GPR37L1: variants seen among roughly 807,000 people sequenced by gnomAD.
GPR37L1 encodes G protein-coupled receptor 37-like 1.
Under a neutral mutation model 18.0 loss-of-function variants are expected in GPR37L1, and 18 were observed. The observed-to-expected ratio is 1.00, with a 90% confidence interval of 0.69 to 1.49. The LOEUF is 1.49. GPR37L1 is among the 40% of genes most tolerant of loss of function. GPR37L1 has a pLI of 0.00. For synonymous variants in GPR37L1, 256 were observed against 273.9 expected (o/e 0.93, Z 0.65); for missense variants, 558 against 615.1 (o/e 0.91, Z 0.98).
Position 202,130,546 on chromosome 1 carries a change from T to C in GPR37L1, c.*1990T>C, listed in dbSNP as rs1654817556. Reference sequence around the variant, plus strand: ...AGAGAGGGAGGCCGTTGCTAGGTGATGGCGCCGCCATGCACACACCCTTTG... The same window carrying C: ...AGAGAGGGAGGCCGTTGCTAGGTGACGGCGCCGCCATGCACACACCCTTTG... On this transcript the variant is annotated 3_prime_UTR_variant, in exon 2 of 2. Coordinates refer to ENST00000367282, the MANE Select transcript of GPR37L1 (RefSeq NM_004767.5). 6.6e-6 allele frequency: 1 copy of C among 152,268 alleles called. No individual in the cohort carries two copies. Among genetic ancestry groups the C allele is most frequent in the African/African-American group, 2.4e-5 (1 of 41,446 alleles). The allele number at this position is 152,268 out of a possible 1,614,324, so 9.4% of individuals were successfully genotyped here. A position where few individuals can be genotyped will look rare whatever the true frequency, so the allele number is the denominator to read the frequency against.
At position 202,130,889 on chromosome 1, in the gene GPR37L1, G is replaced by T. The variant is rs2147807878; in HGVS notation, c.*2333G>T. On this transcript the variant is annotated 3_prime_UTR_variant, in exon 2 of 2. Coordinates refer to ENST00000367282, the MANE Select transcript of GPR37L1 (RefSeq NM_004767.5). ...GTTTAGGGGTCCTCCTCCACAAAGG[G>T]TGCCCTCCACCTCTCCCTCCTGCTG... The T allele has an allele frequency of 6.6e-6, 1 of 152,358 alleles. No homozygotes were observed. Among genetic ancestry groups the T allele is most frequent in the African/African-American group, 2.4e-5 (1 of 41,562 alleles). 9.4% of individuals were successfully genotyped at this position (152,358 alleles called of 1,614,324 possible).
chr1:202,133,533 G>A lies in GPR37L1; in HGVS notation c.*4977G>A, dbSNP rs1230068660. ...GCTGAAAAGTGTAAAAAAGGAAGAG[G>A]AACATCACTTTACAAATCATTAAAT... is the stretch of plus-strand genomic sequence containing the variant. On this transcript the variant is annotated 3_prime_UTR_variant, in exon 2 of 2. Coordinates refer to ENST00000367282, the MANE Select transcript of GPR37L1 (RefSeq NM_004767.5). The A allele has an allele frequency of 1.3e-5, 2 of 152,182 alleles. No individual in the cohort carries two copies. Among genetic ancestry groups the A allele is most frequent in the African/African-American group, 4.8e-5 (2 of 41,446 alleles). The allele number at this position is 152,182 out of a possible 1,614,324, so 9.4% of individuals were successfully genotyped here.
At position 202,123,157 on chromosome 1, in the gene GPR37L1, C is replaced by T. The variant is rs370435464; in HGVS notation, c.194C>T (p.Ala65Val). The T allele has an allele frequency of 1.0e-4, 166 of 1,613,014 alleles. 1 individual carries two copies. The highest frequency in any genetic ancestry group is 1.6e-4 in the East Asian group (7 of 44,856). The change falls in exon 1 of 2, where the codon GCG becomes GTG. Residue 65 changes from alanine to valine, a missense_variant. Coordinates refer to ENST00000367282, the MANE Select transcript of GPR37L1 (RefSeq NM_004767.5). ...CAGCAGTATGTGCCTGAGGAGTGGG[C>T]GGAGTACCCCCGGCCCATTCACCCT... Reference protein sequence around the residue: ...GVQQYVPEEWAEYPRPIHPAG... With the variant: ...GVQQYVPEEWVEYPRPIHPAG...
chr1:202,122,920 C>T lies in GPR37L1; in HGVS notation c.-44C>T, dbSNP rs1395183560. ...GAGCCCAGCTCTTGGGCCCCCTGCA[C>T]TCACCTGCTCTTCCTGGGCTGGCTG... On this transcript the variant is annotated 5_prime_UTR_variant, in exon 1 of 2. Coordinates refer to ENST00000367282, the MANE Select transcript of GPR37L1 (RefSeq NM_004767.5). 1.2e-6 allele frequency: 2 copies of T among 1,607,240 alleles called. No homozygotes were observed. Among genetic ancestry groups the T allele is most frequent in the African/African-American group, 2.7e-5 (2 of 74,836 alleles).
chr1:202,128,715 C>G lies in GPR37L1; in HGVS notation c.*159C>G. On this transcript the variant is annotated 3_prime_UTR_variant, in exon 2 of 2. Coordinates refer to ENST00000367282, the MANE Select transcript of GPR37L1 (RefSeq NM_004767.5). ...GGAATGTCAAAGCCCCCTCCCCACA[C>G]AGGGCCTTTCCTGTCCCTTGTGGGG... 3.3e-6 allele frequency: 2 copies of G among 602,322 alleles called. No homozygotes were observed. The highest frequency in any genetic ancestry group is 5.9e-6 in the Non-Finnish European group (2 of 337,806). 37.3% of individuals were successfully genotyped at this position (602,322 alleles called of 1,614,324 possible). A position where few individuals can be genotyped will look rare whatever the true frequency, so the allele number is the denominator to read the frequency against.
Position 202,128,048 on chromosome 1 carries a change from A to G in GPR37L1, c.938A>G (p.Tyr313Cys). 1.2e-6 allele frequency: 2 copies of G among 1,614,146 alleles called. No homozygotes were observed. The highest frequency in any genetic ancestry group is 1.1e-5 in the South Asian group (1 of 91,088). Reference protein sequence around the residue: ...MTYQNARMWWYFGCYFCLPIL... With the variant: ...MTYQNARMWWCFGCYFCLPIL... ...TACCAGAACGCCCGCATGTGGTGGT[A>G]CTTTGGCTGCTACTTCTGCCTGCCC... The change falls in exon 2 of 2, where the codon TAC (tyrosine) becomes TGC (cysteine). Residue 313 changes from tyrosine to cysteine, a missense_variant. Physicochemically the swap from Tyr to Cys is radical, Grantham distance 194. Transcript: ENST00000367282.
chr1:202,128,088 C>T lies in GPR37L1; in HGVS notation c.978C>T (p.Val326=), dbSNP rs1654723044. Residue 326 remains valine (V), a synonymous_variant, in exon 2 of 2, where the codon GTC becomes GTT. Coordinates refer to ENST00000367282, the MANE Select transcript of GPR37L1 (RefSeq NM_004767.5). ...CYFCLPILFT[V]TCQLVTWRVR... ...TCTGCCTGCCCATCCTCTTCACAGT[C>T]ACCTGCCAGCTGGTGACATGGCGGG... is the stretch of plus-strand genomic sequence containing the variant. 1 of 1,614,044 alleles carries T rather than the reference C, an allele frequency of 6.2e-7. No homozygotes were observed. Among genetic ancestry groups the T allele is most frequent in the African/African-American group, 1.3e-5 (1 of 74,934 alleles).
At position 202,126,838 on chromosome 1, in the gene GPR37L1, C is replaced by CATGTGT. The variant is rs1553315418; in HGVS notation, c.631-903_631-902insATGTGT. ...GGACAGGGCCAGGAGCAGAAACGTG[C>CATGTGT]GTGTGTGTGTGTGTGTGTGTGTGTG... is the stretch of plus-strand genomic sequence containing the variant. On this transcript the variant is annotated intron_variant, in intron 1 of 1. Coordinates refer to ENST00000367282, the MANE Select transcript of GPR37L1 (RefSeq NM_004767.5). Among the ~76,000 whole-genome samples the CATGTGT allele has an allele frequency of 1.0e-4, 15 of 146,450 alleles. No homozygotes were observed. The East Asian group carries it at 1.4e-3, about 14-fold the overall frequency.
rs1558302759 is a variant in GPR37L1, at chr1:202,128,533, C to T, written c.1423C>T (p.Leu475=). 6.4e-7 allele frequency: 1 copy of T among 1,566,314 alleles called. No individual in the cohort carries two copies. Among genetic ancestry groups the T allele is most frequent in the Non-Finnish European group, 8.7e-7 (1 of 1,153,892 alleles). ...CAAGCCCAGGGAGTCACCCCCACTC[C>T]TGCCCCTGGGCACACCTTGCTGAGG... The part of the protein sequence containing the change: ...FHKPRESPPL[L]PLGTPC Residue 475 remains leucine, a synonymous_variant, in exon 2 of 2, where the codon CTG becomes TTG. Transcript: ENST00000367282.
rs546889240 is a variant in GPR37L1 at position 202,128,205 on chromosome 1, C to G, written c.1095C>G (p.Thr365=). The G allele has an allele frequency of 7.4e-6, 12 of 1,613,796 alleles. No individual in the cohort carries two copies. Among genetic ancestry groups the G allele is most frequent in the African/African-American group, 1.3e-5 (1 of 74,904 alleles). Residue 365 remains threonine (T), a synonymous_variant, in exon 2 of 2, where the codon ACC becomes ACG. Transcript: ENST00000367282. ...SQLNSTVVGL[T]VVYAFCTLPE... ...TCAACAGCACCGTGGTGGGCCTGACCGTGGTCTACGCCTTCTGCACCCTCC... is the reference window on the plus strand; with the variant it reads ...TCAACAGCACCGTGGTGGGCCTGACGGTGGTCTACGCCTTCTGCACCCTCC...
chr1:202,123,195 C>G lies in GPR37L1; in HGVS notation c.232C>G (p.Pro78Ala). The G allele has an allele frequency of 6.2e-7, 1 of 1,613,546 alleles. No individual in the cohort carries two copies. The highest frequency in any genetic ancestry group is 1.3e-5 in the African/African-American group (1 of 75,048). The change falls in exon 1 of 2, where the codon CCA becomes GCA. Residue 78 changes from proline to alanine, a missense_variant. Pro to Ala is a conservative substitution (Grantham distance 27). Coordinates refer to ENST00000367282, the MANE Select transcript of GPR37L1 (RefSeq NM_004767.5). ...GCCCATTCACCCTGCTGGCCTGCAG[C>G]CAACCAAGCCCTTGGTGGCCACCAG... ...PRPIHPAGLQ[P>A]TKPLVATSPN...
At position 202,131,713 on chromosome 1, in the gene GPR37L1, C is replaced by T. The variant is rs935043665; in HGVS notation, c.*3157C>T. On this transcript the variant is annotated 3_prime_UTR_variant, in exon 2 of 2. Transcript: ENST00000367282. ...TCAGCCTCCTGAGTAGCTGGGACTACAAGTGTGTACCACCATGCCTGGCTG... is the reference window on the plus strand; with the variant it reads ...TCAGCCTCCTGAGTAGCTGGGACTATAAGTGTGTACCACCATGCCTGGCTG... The T allele has an allele frequency of 1.4e-4, 21 of 151,822 alleles. No individual in the cohort carries two copies. Among genetic ancestry groups the T allele is most frequent in the African/African-American group, 5.1e-4 (21 of 41,266 alleles). The allele number at this position is 151,822 out of a possible 1,614,324, so 9.4% of individuals were successfully genotyped here.
Position 202,131,716 on chromosome 1 carries a change from G to A in GPR37L1, c.*3160G>A, listed in dbSNP as rs1391636874. On this transcript the variant is annotated 3_prime_UTR_variant, in exon 2 of 2. Transcript: ENST00000367282. ...GCCTCCTGAGTAGCTGGGACTACAAGTGTGTACCACCATGCCTGGCTGAAC... is the reference window on the plus strand; with the variant it reads ...GCCTCCTGAGTAGCTGGGACTACAAATGTGTACCACCATGCCTGGCTGAAC... The A allele has an allele frequency of 6.6e-6, 1 of 151,860 alleles. No individual in the cohort carries two copies. The highest frequency in any genetic ancestry group is 1.5e-5 in the Non-Finnish European group (1 of 68,002). 9.4% of individuals were successfully genotyped at this position (151,860 alleles called of 1,614,324 possible).
Position 202,128,563 on chromosome 1 carries a change from A to C in GPR37L1, c.*7A>C. 22 of 968,184 alleles carry C rather than the reference A, an allele frequency of 2.3e-5. No homozygotes were observed. Among genetic ancestry groups the C allele is most frequent in the East Asian group, 3.6e-5 (1 of 27,414 alleles). The allele number at this position is 968,184 out of a possible 1,614,324, so 60.0% of individuals were successfully genotyped here. A position where few individuals can be genotyped will look rare whatever the true frequency, so the allele number is the denominator to read the frequency against. The stretch of plus-strand genomic sequence containing the variant: ...CCTGGGCACACCTTGCTGAGGCCCC[A>C]GTAGGGGTGGGGAGGGAGGGAGAGG... On this transcript the variant is annotated 3_prime_UTR_variant, in exon 2 of 2. Coordinates refer to ENST00000367282, the MANE Select transcript of GPR37L1 (RefSeq NM_004767.5).
chr1:202,126,464 C>T (rs1001635534), intron 1 of GPR37L1, among the ~76,000 whole-genome samples: 1 of 151,622 alleles, frequency 6.6e-6, no homozygotes, highest in Non-Finnish European at 1.5e-5. Flanking sequence ...TGTGCCTCTG[C>T]AGGCCTGGGC....
rs1163269670 is a variant in GPR37L1, at chr1:202,123,380, G to T, written c.417G>T (p.Val139=). ...ATGCCATCATGCTTCTGGCGCTGGT[G>T]GTGTTTGCGGTGGGCATTGTGGGCA... ...SAYAIMLLAL[V]VFAVGIVGNL... The change falls in exon 1 of 2, where the codon GTG becomes GTT. Residue 139 remains valine (V), a synonymous_variant. Transcript: ENST00000367282. 1 of 1,614,076 alleles carries T rather than the reference G, an allele frequency of 6.2e-7. No homozygotes were observed. Among genetic ancestry groups the T allele is most frequent in the Non-Finnish European group, 8.5e-7 (1 of 1,180,034 alleles).
At position 202,131,320 on chromosome 1, in the gene GPR37L1, T is replaced by C. The variant is rs999139728; in HGVS notation, c.*2764T>C. ...TATCCTGGAACTGAATGCAATTACT[T>C]AAACTCAGTCTCAGCTTCCTCATCT... On this transcript the variant is annotated 3_prime_UTR_variant, in exon 2 of 2. Coordinates refer to ENST00000367282, the MANE Select transcript of GPR37L1 (RefSeq NM_004767.5). The C allele has an allele frequency of 6.6e-6, 1 of 152,284 alleles. No individual in the cohort carries two copies. The highest frequency in any genetic ancestry group is 1.9e-4 in the East Asian group (1 of 5,204). 9.4% of individuals were successfully genotyped at this position (152,284 alleles called of 1,614,324 possible). A position where few individuals can be genotyped will look rare whatever the true frequency, so the allele number is the denominator to read the frequency against.
chr1:202,132,371 T>C lies in GPR37L1; in HGVS notation c.*3815T>C, dbSNP rs1429208852. The C allele has an allele frequency of 6.6e-6, 1 of 152,274 alleles. No individual in the cohort carries two copies. The highest frequency in any genetic ancestry group is 1.5e-5 in the Non-Finnish European group (1 of 68,070). 9.4% of individuals were successfully genotyped at this position (152,274 alleles called of 1,614,324 possible). ...TACCCTAGAATCACTTAGCTTCAGA[T>C]GCCAAATTCCATCCACATTCTTTCC... On this transcript the variant is annotated 3_prime_UTR_variant, in exon 2 of 2. Transcript: ENST00000367282.
At chr1:202,126,883 T>C (rs1246680238) in intron 1 of GPR37L1, among the ~76,000 whole-genome samples, 1 of 134,626 alleles carries the variant, frequency 7.4e-6, no homozygotes, top group African/African-American at 2.7e-5. Context: ...GCGTAAGCCA[T>C]GTTCCCCAAG....
Sources: gnomAD v4.1 joint callset for allele counts (sites outside exome capture counted in the v4.1 genomes callset) on GRCh38, gnomAD v4.1.1 for gene constraint, MANE v1.5 for transcripts, NCBI Gene and HGNC (gene_info 2026-07-23, HGNC 2026-07-21) for gene names.